Variants in SRCAP observed in about 807,000 individuals in gnomAD.
The protein encoded by SRCAP is Snf2 related CREBBP activator protein.
Under a neutral mutation model 263.1 loss-of-function variants are expected in SRCAP, and 46 were observed. That is an observed-to-expected ratio of 0.17 (90% CI 0.14 to 0.22). The LOEUF (loss-of-function observed/expected upper bound fraction) is 0.22. Among genes scored for constraint, SRCAP ranks in the 10% least tolerant of loss-of-function variants. The probability of loss-of-function intolerance (pLI) is 1.00; values close to 1 mark genes in which losing one functional copy is unlikely to be tolerated. For missense variants in SRCAP, 3,695 were observed against 4,181.9 expected, an observed-to-expected ratio of 0.88 and a Z score of 3.21; for synonymous variants, 1,813 against 1,662.1, an observed-to-expected ratio of 1.09 and a Z score of -2.21.
rs951140148 is a variant in SRCAP, at chr16:30,734,510, G to T, written c.6624G>T (p.Glu2208Asp). The T allele has an allele frequency of 6.2e-7, 1 of 1,613,990 alleles. No individual in the cohort carries two copies. The highest frequency in any genetic ancestry group is 1.3e-5 in the African/African-American group (1 of 75,002). ...TAYFKQQTIR[E>D]LFDMPLEEPS... The stretch of plus-strand genomic sequence containing the variant: ...CTATCCGATAGCAGACCATCCGAGA[G>T]CTGTTTGATATGCCCCTGGAGGAAC... The change falls in exon 31 of 34, where the codon GAG (glutamate) becomes GAT (aspartate). Residue 2208 changes from glutamate to aspartate, a missense_variant. Around this residue, in one of 12 missense-constraint regions of SRCAP, gnomAD observed 138 missense variants for 254.9 expected, o/e 0.54. Transcript: ENST00000262518.
intron 23 of SRCAP, 26 bp from the exon 24 acceptor site, chr16:30,722,936 TC>T (rs2053026086): frequency 1.3e-6 from 2 of 1,586,962 alleles, no homozygotes; most frequent in Non-Finnish European, 1.7e-6. Flanking sequence ...TTTTCTACCT[TC>T]CTCTCAGTGT....
At position 30,738,056 on chromosome 16, in the gene SRCAP, G is replaced by C. The variant is rs1405001666; in HGVS notation, c.8016G>C (p.Arg2672Ser). 4 of 1,614,008 alleles carry C rather than the reference G, an allele frequency of 2.5e-6. No individual in the cohort carries two copies. The highest frequency in any genetic ancestry group is 3.4e-6 in the Non-Finnish European group (4 of 1,180,036). The change falls in exon 34 of 34, where the codon AGG becomes AGC. Residue 2672 changes from arginine (R) to serine (S), a missense_variant. By Grantham distance (110) the Arg-to-Ser change is moderately radical. Around this residue, in one of 12 missense-constraint regions of SRCAP, gnomAD observed 1,207 missense variants for 1,142.9 expected, o/e 1.06. Coordinates refer to ENST00000262518, the MANE Select transcript of SRCAP (RefSeq NM_006662.3). ...EPLQEPLEAD[R>S]TSEELTEAKT... Reference sequence around the variant, plus strand: ...TTCAGGAGCCACTGGAGGCTGACAGGACCTCGGAAGAGCTGACAGAGGCCA... The same window carrying C: ...TTCAGGAGCCACTGGAGGCTGACAGCACCTCGGAAGAGCTGACAGAGGCCA...
chr16:30,699,245 G>A lies in SRCAP; in HGVS notation c.-284+3G>A. On this transcript the variant is annotated splice_donor_region_variant and intron_variant, in intron 1 of 33. Transcript: ENST00000262518. ...GAGTTAAGGCTTGTTGGCTTCTGGT[G>A]AGCTCGGGTCTTGGGAACGTGTGGC... is the stretch of plus-strand genomic sequence containing the variant. 1 of 398,744 alleles carries A rather than the reference G, an allele frequency of 2.5e-6. No individual in the cohort carries two copies. The allele number at this position is 398,744 out of a possible 1,614,324, so 24.7% of individuals were successfully genotyped here.
Position 30,723,016 on chromosome 16 carries a change from G to C in SRCAP, c.3946G>C (p.Ala1316Pro), listed in dbSNP as rs375447245. ...CGTGGTGAAGATTGTAGTGAGACAA[G>C]CCCCTCGGGATGGACTGACTCCTGT... is the stretch of plus-strand genomic sequence containing the variant. ...TGVVKIVVRQ[A>P]PRDGLTPVPP... Residue 1316 changes from alanine (A) to proline (P), a missense_variant, in exon 24 of 34, where the codon GCC (alanine) becomes CCC (proline). Coordinates refer to ENST00000262518, the MANE Select transcript of SRCAP (RefSeq NM_006662.3). The C allele has an allele frequency of 3.1e-6, 5 of 1,613,916 alleles. No homozygotes were observed. Among genetic ancestry groups the C allele is most frequent in the Non-Finnish European group, 4.2e-6 (5 of 1,180,014 alleles).
At position 30,739,602 on chromosome 16, in the gene SRCAP, C is replaced by T. The variant is rs201133838; in HGVS notation, c.9562C>T (p.Arg3188Cys). ...GEEEEGDGTP[R>C]RRPGPRRLVG... ...GGAGGAGGAAGGGGATGGGACCCCA[C>T]GCCGACGTCCTGGCCCCCGCCGGCT... The change falls in exon 34 of 34, where the codon CGC (arginine) becomes TGC (cysteine). Residue 3188 changes from arginine to cysteine, a missense_variant. By Grantham distance (180) the Arg-to-Cys change is radical. Around this residue, in one of 12 missense-constraint regions of SRCAP, gnomAD observed 1,207 missense variants for 1,142.9 expected, o/e 1.06. Transcript: ENST00000262518. 139 of 1,595,204 alleles carry T rather than the reference C, an allele frequency of 8.7e-5. 1 individual carries two copies. The African/African-American group carries it at 1.3e-3, about 15-fold the overall frequency.
chr16:30,732,889 T>C (rs752133002), intron 27 of SRCAP, among the ~76,000 whole-genome samples: 1 of 152,112 alleles, frequency 6.6e-6, no homozygotes, highest in African/African-American at 2.4e-5. Flanking sequence ...CTGAAGTGCA[T>C]TGGTGGGATC....
chr16:30,726,124 TATA>T (rs2053062273), intron 25 of SRCAP: 1 of 152,236 alleles, frequency 6.6e-6, no homozygotes, highest in Non-Finnish European at 1.5e-5. Flanking sequence ...AGTCATAATG[TATA>T]ATGTGTGGTC....
intron 14 of SRCAP, 133 bp from the exon 15 acceptor site, chr16:30,713,075 C>T (rs552967487): frequency 2.7e-5 from 29 of 1,080,094 alleles, no homozygotes; most frequent in East Asian, 9.5e-5. Context: ...CTCTTTCTGT[C>T]GCTCCATTCT....
Position 30,720,169 on chromosome 16 carries a change from A to G in SRCAP, c.2825A>G (p.Asp942Gly), listed in dbSNP as rs756762417. The change falls in exon 19 of 34, where the codon GAC (aspartate) becomes GGC (glycine). Residue 942 changes from aspartate (D) to glycine (G), a missense_variant. Around this residue, in one of 12 missense-constraint regions of SRCAP, gnomAD observed 147 missense variants for 212.7 expected, o/e 0.69. Coordinates refer to ENST00000262518, the MANE Select transcript of SRCAP (RefSeq NM_006662.3). ...ATDVHPLQRI[D>G]MGRFDLIGLE... ...CTTTCTTTCTTGTGGCAGCGGATAG[A>G]CATGGGTCGATTTGACCTTATTGGC... The G allele has an allele frequency of 6.2e-7, 1 of 1,608,958 alleles. No individual in the cohort carries two copies. The highest frequency in any genetic ancestry group is 8.5e-7 in the Non-Finnish European group (1 of 1,175,652).
chr16:30,725,120 GTTTC>G, intron 25 of SRCAP, 38 bp downstream of exon 25: 1 of 1,565,306 alleles, frequency 6.4e-7, no homozygotes, highest in Non-Finnish European at 8.6e-7. Context: ...AGGAAGTTGA[GTTTC>G]TTTGGAGTGT....
Position 30,737,314 on chromosome 16 carries a change from C to A in SRCAP, c.7274C>A (p.Thr2425Lys), listed in dbSNP as rs752328113. 3.7e-6 allele frequency: 6 copies of A among 1,614,030 alleles called. No individual in the cohort carries two copies. The African/African-American group carries it at 4.0e-5, about 11-fold the overall frequency. Residue 2425 changes from threonine (T) to lysine (K), a missense_variant, in exon 34 of 34, where the codon ACA becomes AAA. Thr to Lys is a moderately conservative substitution (Grantham distance 78). Coordinates refer to ENST00000262518, the MANE Select transcript of SRCAP (RefSeq NM_006662.3). Reference protein sequence around the residue: ...ISAHQTRSTTTPPRCSPARER... With the variant: ...ISAHQTRSTTKPPRCSPARER... Reference sequence around the variant, plus strand: ...GCCCATCAAACTCGCAGCACCACCACACCACCCCGCTGCAGTCCTGCCAGG... The same window carrying A: ...GCCCATCAAACTCGCAGCACCACCAAACCACCCCGCTGCAGTCCTGCCAGG...
Position 30,723,696 on chromosome 16 carries a change from T to C in SRCAP, c.4272T>C (p.Ala1424=). The change falls in exon 25 of 34, where the codon GCT becomes GCC. Residue 1424 remains alanine, a synonymous_variant. Transcript: ENST00000262518. The stretch of plus-strand genomic sequence containing the variant: ...CAATTCCCAACTCCTCTCCCCTTGC[T>C]AGTCCTGTGTCCTCTACAGTCTCAG... ...PMPIPNSSPL[A]SPVSSTVSVP... The C allele has an allele frequency of 6.2e-7, 1 of 1,614,120 alleles. No individual in the cohort carries two copies. Among genetic ancestry groups the C allele is most frequent in the Non-Finnish European group, 8.5e-7 (1 of 1,180,004 alleles).
chr16:30,724,573 T>C lies in SRCAP; in HGVS notation c.5149T>C (p.Ser1717Pro). 6.2e-7 allele frequency: 1 copy of C among 1,614,130 alleles called. No homozygotes were observed. The highest frequency in any genetic ancestry group is 1.1e-5 in the South Asian group (1 of 91,080). The change falls in exon 25 of 34, where the codon TCA (serine) becomes CCA (proline). Residue 1717 changes from serine to proline, a missense_variant. Physicochemically the swap from Ser to Pro is moderately conservative, Grantham distance 74 (BLOSUM62 -1). This residue lies in a region of SRCAP where 1,347 missense variants were observed against 1,304.4 expected (regional missense o/e 1.03). Coordinates refer to ENST00000262518, the MANE Select transcript of SRCAP (RefSeq NM_006662.3). ...GGGACCCTTTCCAACTCAGACATTG[T>C]CATTAACTCCAGCATCATCCCTGGT... ...PQGPFPTQTL[S>P]LTPASSLVPT...
At position 30,734,479 on chromosome 16, in the gene SRCAP, T is replaced by C. The variant is rs1162284342; in HGVS notation, c.6610-17T>C. The C allele has an allele frequency of 5.0e-6, 8 of 1,613,572 alleles. No individual in the cohort carries two copies. The highest frequency in any genetic ancestry group is 5.9e-6 in the Non-Finnish European group (7 of 1,179,872). ...CATTCTGTTGACTCTGACACTTCCC[T>C]CTGTTCTATCCGATAGCAGACCATC... On this transcript the variant is annotated splice_polypyrimidine_tract_variant and intron_variant, in intron 30 of 33. Transcript: ENST00000262518.
At position 30,729,049 on chromosome 16, in the gene SRCAP, G is replaced by C. The variant is rs535730528; in HGVS notation, c.5742G>C (p.Leu1914=). The change falls in exon 26 of 34, where the codon CTG becomes CTC. Residue 1914 remains leucine, a synonymous_variant. Coordinates refer to ENST00000262518, the MANE Select transcript of SRCAP (RefSeq NM_006662.3). ...IFQLSEAHGA[L]APVYGTEVLD... Reference sequence around the variant, plus strand: ...AACTTAGTGAGGCTCATGGGGCCCTGGCACCTGTGTATGGGACTGAAGTCC... The same window carrying C: ...AACTTAGTGAGGCTCATGGGGCCCTCGCACCTGTGTATGGGACTGAAGTCC... 4.6e-5 allele frequency: 74 copies of C among 1,614,158 alleles called. No individual in the cohort carries two copies. In the South Asian group the frequency reaches 7.6e-4, roughly 17 times the overall value.
In SRCAP at chr16:30,733,838, G is replaced by C. The variant is rs747537846; in HGVS notation, c.6494+40G>C. 10 of 1,611,916 alleles carry C rather than the reference G, an allele frequency of 6.2e-6. No homozygotes were observed. Among genetic ancestry groups the C allele is most frequent in the Non-Finnish European group, 6.8e-6 (8 of 1,178,516 alleles). ...TCCCTCACCTTACTTTCCGTTTACT[G>C]ATGGGGTTTCCTGGATATATTTGGC... On this transcript the variant is annotated intron_variant, in intron 29 of 33. Transcript: ENST00000262518. The surrounding 1 kb of genome is among the most constrained non-coding windows in gnomAD (Gnocchi z 5.3).
intron 33 of SRCAP, 150 bp from the exon 34 acceptor site, chr16:30,736,899 C>T (rs927778034): frequency 4.3e-6 from 4 of 919,546 alleles, no homozygotes; most frequent in Admixed American, 2.5e-5. Context: ...GTCTTGAACT[C>T]CTGACCTCAG....
At position 30,739,018 on chromosome 16, in the gene SRCAP, T is replaced by C. The variant is rs768552072; in HGVS notation, c.8978T>C (p.Val2993Ala). ...VCPTATVANT[V>A]TTVTISTSPP... is the part of the protein sequence containing the mutation. Reference sequence around the variant, plus strand: ...CCCACTGCTACTGTTGCCAACACTGTCACCACTGTCACCATTTCAACGTCC... The same window carrying C: ...CCCACTGCTACTGTTGCCAACACTGCCACCACTGTCACCATTTCAACGTCC... Residue 2993 changes from valine (V) to alanine (A), a missense_variant, in exon 34 of 34, where the codon GTC becomes GCC. Physicochemically the swap from Val to Ala is moderately conservative, Grantham distance 64 (BLOSUM62 0). Coordinates refer to ENST00000262518, the MANE Select transcript of SRCAP (RefSeq NM_006662.3). 1 of 1,613,760 alleles carries C rather than the reference T, an allele frequency of 6.2e-7. No homozygotes were observed. The highest frequency in any genetic ancestry group is 1.7e-5 in the Admixed American group (1 of 59,958).
chr16:30,721,081 GAC>G (rs1027211682), intron 20 of SRCAP, 103 bp downstream of exon 20: 10 of 1,537,890 alleles, frequency 6.5e-6, no homozygotes, highest in Non-Finnish European at 7.0e-6. Flanking sequence ...CTGGGCTGGG[GAC>G]ACGGGTCTAG....
Sources: allele counts gnomAD v4.1 joint callset (sites outside exome capture counted in the v4.1 genomes callset), GRCh38; gene constraint gnomAD v4.1.1; regional missense constraint gnomAD v4.1.1; non-coding constraint Gnocchi (gnomAD v3.1); transcripts MANE v1.5; gene names NCBI Gene and HGNC (gene_info 2026-07-23, HGNC 2026-07-21).